The following RIMS2 variants were observed in gnomAD, a reference collection of about 807,000 sequenced individuals.
The protein encoded by RIMS2 is regulating synaptic membrane exocytosis protein 2.
Under a neutral mutation model 174.4 loss-of-function variants are expected in RIMS2, and 59 were observed. That is an observed-to-expected ratio of 0.34 (90% CI 0.27 to 0.42). The LOEUF (loss-of-function observed/expected upper bound fraction) is 0.42. RIMS2 is among the 10% of genes least tolerant of loss of function. The pLI, the probability that RIMS2 is intolerant of heterozygous loss-of-function variation, is 1.00. For synonymous variants in RIMS2, 606 were observed against 572.5 expected (o/e 1.06, Z -0.84); for missense variants, 1,620 against 1,666.3 (o/e 0.97, Z 0.48).
At position 104,068,532 on chromosome 8, in the gene RIMS2, A is replaced by C. The variant is rs2097142561; in HGVS notation, c.3334+53917A>C. 3 of 1,539,564 alleles carry C rather than the reference A, an allele frequency of 1.9e-6. No individual in the cohort carries two copies. In the African/African-American group the frequency reaches 4.1e-5, roughly 21 times the overall value. On this transcript the variant is annotated intron_variant, in intron 19 of 23. Coordinates refer to ENST00000504942, the Ensembl canonical transcript of RIMS2. Reference sequence around the variant, plus strand: ...GATAGGTACTATGGATATAGAGGAGAGAAATCGCCAAATGAAAATTAACAA... The same window carrying C: ...GATAGGTACTATGGATATAGAGGAGCGAAATCGCCAAATGAAAATTAACAA...
intron 15 of RIMS2, among the ~76,000 whole-genome samples, chr8:103,971,301 T>A (rs2092842175): frequency 6.6e-6 from 1 of 152,116 alleles, no homozygotes. Flanking sequence ...TAATTTGAGT[T>A]CTTGAATTAA....
At chr8:103,753,090 T>C (rs2097916100) in intron 2 of RIMS2, among the ~76,000 whole-genome samples, 1 of 152,174 alleles carries the variant, frequency 6.6e-6, no homozygotes, top group Non-Finnish European at 1.5e-5. Flanking sequence ...ATAGCTCTTC[T>C]TATTTTGAGA....
chr8:103,769,774 T>C (rs1418302724), intron 3 of RIMS2, among the ~76,000 whole-genome samples: 1 of 152,228 alleles, frequency 6.6e-6, no homozygotes, highest in Non-Finnish European at 1.5e-5. Flanking sequence ...TTCCTTTTAT[T>C]CTTTTCTCTT....
chr8:103,613,527 A>G (rs1392029558), intron 1 of RIMS2, among the ~76,000 whole-genome samples: 1 of 152,148 alleles, frequency 6.6e-6, no homozygotes, highest in African/African-American at 2.4e-5. Context: ...GACCTCATGA[A>G]CCTACTTATT....
chr8:103,756,582 T>C (rs1352345492), intron 2 of RIMS2, among the ~76,000 whole-genome samples: 1 of 151,806 alleles, frequency 6.6e-6, no homozygotes, highest in Non-Finnish European at 1.5e-5. Flanking sequence ...CACGCCACTA[T>C]GTCCAGCTAA....
intron 19 of RIMS2, among the ~76,000 whole-genome samples, chr8:104,079,016 A>C (rs2097354718): frequency 6.6e-6 from 1 of 152,102 alleles, no homozygotes; most frequent in Non-Finnish European, 1.5e-5. Context: ...TTTACCATAT[A>C]TTCACATTTT....
At chr8:104,163,374 A>G (rs1233091618) in intron 19 of RIMS2, among the ~76,000 whole-genome samples, 2 of 152,214 alleles carry the variant, frequency 1.3e-5, no homozygotes, top group African/African-American at 4.8e-5. Flanking sequence ...TGTCCTCCTC[A>G]TATGGTATCT....
intron 3 of RIMS2, among the ~76,000 whole-genome samples, chr8:103,863,247 C>G (rs756574929): frequency 6.6e-6 from 1 of 152,050 alleles, no homozygotes; most frequent in East Asian, 1.9e-4. Context: ...TTTTAATTCT[C>G]TTTACATGGT....
chr8:103,931,442 G>A (rs1004909334), intron 12 of RIMS2, 49 bp downstream of exon 14: 3 of 1,349,878 alleles, frequency 2.2e-6, no homozygotes, highest in Non-Finnish European at 3.1e-6. Context: ...ATGAGAAAAT[G>A]TTCATAGCAA....
intron 1 of RIMS2, among the ~76,000 whole-genome samples, chr8:103,597,730 T>A (rs552550173): frequency 1.2e-3 from 177 of 152,038 alleles, no homozygotes; most frequent in South Asian, 2.3e-3. Flanking sequence ...TGTTATTATT[T>A]TTTTTTTTAT....
intron 1 of RIMS2, among the ~76,000 whole-genome samples, chr8:103,529,275 G>A (rs1835745991): frequency 6.6e-6 from 1 of 152,184 alleles, no homozygotes; most frequent in South Asian, 2.1e-4. Flanking sequence ...TTGCTTATCA[G>A]CTTAAGGAGA....
chr8:103,514,888 A>G (rs931496500), intron 1 of RIMS2, among the ~76,000 whole-genome samples: 1 of 151,726 alleles, frequency 6.6e-6, no homozygotes, highest in African/African-American at 2.4e-5. Flanking sequence ...ACAGGGCAAG[A>G]CTCTGTCTCA....
chr8:103,998,338 A>G, intron 17 of RIMS2: 1 of 791,146 alleles, frequency 1.3e-6, no homozygotes, highest in South Asian at 1.7e-5. Context: ...TTCTGTTTTT[A>G]TGTATATACA....
intron 3 of RIMS2, among the ~76,000 whole-genome samples, chr8:103,794,870 C>G (rs973415860): frequency 6.6e-6 from 1 of 152,136 alleles, no homozygotes; most frequent in Non-Finnish European, 1.5e-5. Flanking sequence ...AAATGCAAAT[C>G]GAAATCACAA....
At chr8:103,504,954 C>T (rs372599026) in intron 1 of RIMS2, among the ~76,000 whole-genome samples, 26 of 148,734 alleles carry the variant, frequency 1.7e-4, no homozygotes, top group African/African-American at 6.4e-4. Context: ...TGGGCTCAAG[C>T]GATTCTCTCA....
chr8:104,252,936 C>T (rs1445189526), downstream of RIMS2: 1 of 152,128 alleles, frequency 6.6e-6, no homozygotes, highest in Non-Finnish European at 1.5e-5. Context: ...CTCTCTCATA[C>T]CCCATGTTTG....
At position 103,636,800 on chromosome 8, in the gene RIMS2, C is replaced by CCA. The variant is rs57760382; in HGVS notation, c.177-60273_177-60272dup. Reference sequence around the variant, plus strand: ...AACCCACCCCCGCACCCCCCCCCCCCCACACACACACACATACCAATCTGC... The same window carrying CCA: ...AACCCACCCCCGCACCCCCCCCCCCCCACACACACACACACATACCAATCTGC... On this transcript the variant is annotated intron_variant, in intron 1 of 23. Transcript: ENST00000504942. 3.8e-4 allele frequency among the ~76,000 whole-genome samples: 10 copies of CCA among 26,174 alleles called. No homozygotes were observed. The East Asian group carries it at 7.0e-3, about 18-fold the overall frequency. The allele number at this position is 26,174 out of a possible 152,430, so 17.2% of individuals were successfully genotyped here. A position where few individuals can be genotyped will look rare whatever the true frequency, so the allele number is the denominator to read the frequency against.
intron 3 of RIMS2, among the ~76,000 whole-genome samples, chr8:103,863,898 T>G (rs113087034): frequency 0.013 from 1,606 of 120,414 alleles, 31 homozygotes; most frequent in African/African-American, 0.056. Flanking sequence ...TTTTTTTTTT[T>G]GTTTTTTTTG....
At chr8:104,106,292 A>T (rs1452200073) in intron 19 of RIMS2, among the ~76,000 whole-genome samples, 1 of 89,416 alleles carries the variant, frequency 1.1e-5, no homozygotes, top group Non-Finnish European at 2.3e-5. Flanking sequence ...TTTGTAATAT[A>T]GTTAGTTAGT....
Sources: gnomAD v4.1 joint callset for allele counts (sites outside exome capture counted in the v4.1 genomes callset) on GRCh38, gnomAD v4.1.1 for gene constraint, MANE v1.5 for transcripts, NCBI Gene and HGNC (gene_info 2026-07-23, HGNC 2026-07-21) for gene names.